The following DYNC1LI1 variants were observed in gnomAD, a reference collection of about 807,000 sequenced individuals.
DYNC1LI1 encodes the protein cytoplasmic dynein 1 light intermediate chain 1.
Under a neutral mutation model 63.8 loss-of-function variants are expected in DYNC1LI1, and 19 were observed. The ratio of observed to expected loss-of-function variants is 0.30; its 90% CI spans 0.21 to 0.44. DYNC1LI1 has a LOEUF of 0.44. Ranked by LOEUF, DYNC1LI1 falls within the 20% of genes least tolerant of loss-of-function variation. DYNC1LI1 has a pLI of 1.00. For synonymous variants in DYNC1LI1, 225 were observed against 232.3 expected, an observed-to-expected ratio of 0.97 and a Z score of 0.28; for missense variants, 565 against 630.2, an observed-to-expected ratio of 0.90 and a Z score of 1.11.
At chr3:32,562,213 T>C (rs1234451716) in intron 2 of DYNC1LI1, among the ~76,000 whole-genome samples, 2 of 151,952 alleles carry the variant, frequency 1.3e-5, no homozygotes, top group Non-Finnish European at 2.9e-5. Context: ...CAGTAAGCTA[T>C]GATTACACTA....
chr3:32,530,652 A>C, intron 8 of DYNC1LI1, 132 bp from the exon 9 acceptor site: 1 of 799,648 alleles, frequency 1.3e-6, no homozygotes, highest in Non-Finnish European at 2.0e-6. Flanking sequence ...ATTTATATTC[A>C]CATGCGTGAG....
intron 2 of DYNC1LI1, among the ~76,000 whole-genome samples, chr3:32,548,695 T>C (rs1015660292): frequency 3.9e-5 from 6 of 152,282 alleles, no homozygotes; most frequent in East Asian, 1.9e-4. Flanking sequence ...TTGGTGACTA[T>C]AGTTATTAAC....
At chr3:32,533,184 C>G (rs1485036411) in intron 7 of DYNC1LI1, 87 bp from the exon 8 acceptor site, 1 of 1,422,664 alleles carries the variant, frequency 7.0e-7, no homozygotes, top group Non-Finnish European at 9.1e-7. Context: ...GGAATACTTT[C>G]ATGAAGTCAA....
chr3:32,566,030 A>C (rs1433474963), intron 2 of DYNC1LI1, among the ~76,000 whole-genome samples: 3 of 152,200 alleles, frequency 2.0e-5, no homozygotes, highest in Admixed American at 2.0e-4. Context: ...ATACTTTGGG[A>C]GACTGAGGTG....
In DYNC1LI1 at chr3:32,542,396, C is replaced by T. The variant is rs142906935; in HGVS notation, c.569-1190G>A. On this transcript the variant is annotated intron_variant, in intron 4 of 12. Transcript: ENST00000273130. Reference sequence around the variant, plus strand: ...GATAACAGAGGTGAGCCACTGTGACCGGCTATTTTCAATTTTTTTTTTTTT... The same window carrying T: ...GATAACAGAGGTGAGCCACTGTGACTGGCTATTTTCAATTTTTTTTTTTTT... 7.6e-3 allele frequency among the ~76,000 whole-genome samples: 1,151 copies of T among 150,980 alleles called. 21 individuals are homozygous for T. The highest frequency in any genetic ancestry group is 0.026 in the African/African-American group (1,086 of 41,206).
chr3:32,545,482 A>G lies in DYNC1LI1; in HGVS notation c.337+367T>C, dbSNP rs576549976. 1.0e-3 allele frequency: 329 copies of G among 327,700 alleles called. 1 individual carries two copies. The highest frequency in any genetic ancestry group is 2.7e-3 in the Admixed American group (57 of 20,990). The allele number at this position is 327,700 out of a possible 1,614,324, so 20.3% of individuals were successfully genotyped here. ...AAATGAGAAGGCAAGTGATCTACAG[A>G]AGAAAAAATAGCTGATAGATAAAAA... On this transcript the variant is annotated intron_variant, in intron 3 of 12. Coordinates refer to ENST00000273130, the MANE Select transcript of DYNC1LI1 (RefSeq NM_016141.4).
chr3:32,545,865 A>G lies in DYNC1LI1; in HGVS notation c.321T>C (p.His107=), dbSNP rs766682606. The change falls in exon 3 of 13, where the codon CAT becomes CAC. Residue 107 remains histidine (H), a synonymous_variant. Transcript: ENST00000273130. ...RGLEYLYLNV[H]DEDRDDQTRC... is the part of the protein sequence containing the mutation. ...GACACTCACCATCCCTGTCTTCATC[A>G]TGCACATTTAAGTACAAATATTCCA... 2.5e-6 allele frequency: 4 copies of G among 1,607,250 alleles called. No homozygotes were observed. The highest frequency in any genetic ancestry group is 3.4e-6 in the Non-Finnish European group (4 of 1,174,016).
At chr3:32,568,986 TA>T (rs758746425) in intron 2 of DYNC1LI1, among the ~76,000 whole-genome samples, 10 of 152,220 alleles carry the variant, frequency 6.6e-5, no homozygotes, top group African/African-American at 9.6e-5. Flanking sequence ...TTCAATTTTT[TA>T]AAAAGTTCTG....
chr3:32,537,985 A>ATAT lies in DYNC1LI1; in HGVS notation c.739-884_739-882dup, dbSNP rs1697812371. 5.9e-5 allele frequency among the ~76,000 whole-genome samples: 2 copies of ATAT among 33,728 alleles called. 1 individual carries two copies. The highest frequency in any genetic ancestry group is 9.9e-5 in the Non-Finnish European group (2 of 20,172). The allele number at this position is 33,728 out of a possible 152,430, so 22.1% of individuals were successfully genotyped here. ...TAATATATATATATTTATATATAAT[A>ATAT]TATATATATAATTTATATATATAAT... On this transcript the variant is annotated intron_variant, in intron 5 of 12. Coordinates refer to ENST00000273130, the MANE Select transcript of DYNC1LI1 (RefSeq NM_016141.4).
At chr3:32,534,418 T>C (rs1317296667) in intron 7 of DYNC1LI1, 93 bp downstream of exon 7, 2 of 878,598 alleles carry the variant, frequency 2.3e-6, no homozygotes, top group Admixed American at 5.2e-5. Flanking sequence ...TCATGGAAGG[T>C]CTATTGGTCC....
intron 2 of DYNC1LI1, among the ~76,000 whole-genome samples, chr3:32,557,862 C>G (rs1698136111): frequency 6.6e-6 from 1 of 152,174 alleles, no homozygotes; most frequent in African/African-American, 2.4e-5. Context: ...TGTAAACATA[C>G]AATTACGCAA....
intron 2 of DYNC1LI1, among the ~76,000 whole-genome samples, chr3:32,569,241 T>C (rs1009935747): frequency 1.3e-5 from 2 of 152,226 alleles, no homozygotes; most frequent in Admixed American, 6.5e-5. Context: ...TAATCTTCAG[T>C]AGGTGCTTTC....
intron 12 of DYNC1LI1, among the ~76,000 whole-genome samples, chr3:32,528,140 A>AAAAAAAAAAAAAAAAAAAAAT (rs1697647095): frequency 6.7e-6 from 1 of 148,584 alleles, no homozygotes; most frequent in Non-Finnish European, 1.5e-5. Flanking sequence ...AAAAAAAAAA[A>AAAAAAAAAAAAAAAAAAAAAT]AAAAGAAATG....
chr3:32,544,205 A>G (rs1169247160), intron 4 of DYNC1LI1, among the ~76,000 whole-genome samples: 1 of 152,236 alleles, frequency 6.6e-6, no homozygotes, highest in African/African-American at 2.4e-5. Context: ...CCATTTTAAT[A>G]TCTTTATATG....
intron 11 of DYNC1LI1, among the ~76,000 whole-genome samples, chr3:32,528,844 A>C (rs938264887): frequency 3.3e-5 from 5 of 152,220 alleles, no homozygotes; most frequent in African/African-American, 1.2e-4. Context: ...ATTTTAAACA[A>C]AAAGATGTTA....
chr3:32,553,300 C>T (rs1433258787), intron 2 of DYNC1LI1, among the ~76,000 whole-genome samples: 2 of 152,124 alleles, frequency 1.3e-5, no homozygotes, highest in African/African-American at 2.4e-5. Flanking sequence ...CATGCCACTG[C>T]ACTCCAGCCC....
At chr3:32,539,743 G>A (rs948815797) in intron 5 of DYNC1LI1, among the ~76,000 whole-genome samples, 6 of 150,952 alleles carry the variant, frequency 4.0e-5, no homozygotes, top group African/African-American at 1.5e-4. Flanking sequence ...CACCATGTTA[G>A]CCAGGATGGT....
At chr3:32,555,376 T>C (rs2125442509) in intron 2 of DYNC1LI1, among the ~76,000 whole-genome samples, 1 of 152,282 alleles carries the variant, frequency 6.6e-6, no homozygotes, top group Admixed American at 6.5e-5. Context: ...TCATAAAAGG[T>C]CTGAAAAGCT....
At chr3:32,530,199 A>G in intron 10 of DYNC1LI1, 85 bp downstream of exon 10, 2 of 1,133,352 alleles carry the variant, frequency 1.8e-6, no homozygotes, top group Non-Finnish European at 2.5e-6. Flanking sequence ...GCACACCCAT[A>G]TGAAATATGT....
Sources: allele counts gnomAD v4.1 joint callset (sites outside exome capture counted in the v4.1 genomes callset), GRCh38; gene constraint gnomAD v4.1.1; transcripts MANE v1.5; gene names NCBI Gene and HGNC (gene_info 2026-07-23, HGNC 2026-07-21).